Variants in RFC3 observed in about 807,000 individuals in gnomAD.
The protein encoded by RFC3 is replication factor C subunit 3, also known as A1 38 kDa subunit.
In RFC3, 41 loss-of-function variants were observed where a neutral mutation model predicts 45.1. The observed-to-expected ratio is 0.91, with a 90% CI of 0.71 to 1.18. The LOEUF (loss-of-function observed/expected upper bound fraction) is 1.18, where lower values mean the gene tolerates loss of function less well. RFC3 is among the 50% of genes most tolerant of loss of function. The probability of loss-of-function intolerance (pLI) is 0.00; values close to 1 mark genes in which losing one functional copy is unlikely to be tolerated. For missense variants in RFC3, 423 were observed against 428.1 expected, an observed-to-expected ratio of 0.99 and a Z score of 0.10; for synonymous variants, 149 against 144.0, an observed-to-expected ratio of 1.03 and a Z score of -0.25.
chr13:33,852,573 A>C (rs990166704), intron 8 of RFC3, among the ~76,000 whole-genome samples: 1 of 152,098 alleles, frequency 6.6e-6, no homozygotes, highest in African/African-American at 2.4e-5. Flanking sequence ...CACCAGGAAC[A>C]TTGAGAAATA....
At chr13:33,885,142 G>GA (rs2082511992) in intron 8 of RFC3, among the ~76,000 whole-genome samples, 1 of 152,144 alleles carries the variant, frequency 6.6e-6, no homozygotes, top group African/African-American at 2.4e-5. Flanking sequence ...TAGTCAGTTT[G>GA]AAACATGGCA....
intron 8 of RFC3, among the ~76,000 whole-genome samples, chr13:33,881,010 C>T (rs1341982905): frequency 6.6e-6 from 1 of 152,040 alleles, no homozygotes; most frequent in Non-Finnish European, 1.5e-5. Context: ...GAGCTGAGAT[C>T]GTGCCCTTGG....
chr13:33,874,122 A>G (rs1267778502), intron 8 of RFC3, among the ~76,000 whole-genome samples: 1 of 152,204 alleles, frequency 6.6e-6, no homozygotes, highest in Non-Finnish European at 1.5e-5. Context: ...GACCACACAT[A>G]AAGAGAGAAG....
At chr13:33,917,077 A>G (rs2082738226) in intron 8 of RFC3, among the ~76,000 whole-genome samples, 1 of 152,158 alleles carries the variant, frequency 6.6e-6, no homozygotes, top group South Asian at 2.1e-4. Context: ...GATCTTGGAC[A>G]TAAGCTCCTG....
At chr13:33,920,956 A>G (rs1310437450) in intron 8 of RFC3, among the ~76,000 whole-genome samples, 3 of 152,084 alleles carry the variant, frequency 2.0e-5, no homozygotes, top group Non-Finnish European at 2.9e-5. Context: ...TTTCCAACGT[A>G]CCTCGTATAT....
At chr13:33,838,494 T>C (rs963555264), downstream of RFC3, among the ~76,000 whole-genome samples, 1 of 152,178 alleles carries the variant, frequency 6.6e-6, no homozygotes, top group Non-Finnish European at 1.5e-5. Flanking sequence ...GTTTCTGTTG[T>C]TTCTGATGAC....
intron 8 of RFC3, among the ~76,000 whole-genome samples, chr13:33,921,439 A>G (rs1256705033): frequency 1.3e-5 from 2 of 152,168 alleles, no homozygotes; most frequent in African/African-American, 4.8e-5. Context: ...ATGTAAATGG[A>G]CACAGAGGTC....
Position 33,823,990 on chromosome 13 carries a change from T to C in RFC3, c.293+6T>C. ...CACCTTGAAGTTAATCCTAGGTAAGTTACTACTATATAGAAATTAAGTATT... is the reference window on the plus strand; with the variant it reads ...CACCTTGAAGTTAATCCTAGGTAAGCTACTACTATATAGAAATTAAGTATT... On this transcript the variant is annotated splice_donor_region_variant and intron_variant, in intron 3 of 8. Coordinates refer to ENST00000380071, the MANE Select transcript of RFC3 (RefSeq NM_002915.4). 7.0e-7 allele frequency: 1 copy of C among 1,421,470 alleles called. No individual in the cohort carries two copies. The highest frequency in any genetic ancestry group is 9.8e-7 in the Non-Finnish European group (1 of 1,022,992). 88.1% of individuals were successfully genotyped at this position (1,421,470 alleles called of 1,614,324 possible).
chr13:33,825,420 T>C (rs1333897349), intron 3 of RFC3, among the ~76,000 whole-genome samples: 1 of 152,172 alleles, frequency 6.6e-6, no homozygotes, highest in East Asian at 1.9e-4. Flanking sequence ...TTCAAAGAGT[T>C]ACGTTTTGTA....
At chr13:33,945,823 C>T (rs1033874765) in intron 8 of RFC3, among the ~76,000 whole-genome samples, 8 of 152,204 alleles carry the variant, frequency 5.3e-5, no homozygotes, top group African/African-American at 1.9e-4. Flanking sequence ...TAAACAGCAC[C>T]TTCTTCCTAC....
chr13:33,882,500 A>AT (rs2082491581), intron 8 of RFC3, among the ~76,000 whole-genome samples: 1 of 152,152 alleles, frequency 6.6e-6, no homozygotes, highest in African/African-American at 2.4e-5. Flanking sequence ...TCATGATGGG[A>AT]TTAGTGCCCT....
intron 8 of RFC3, chr13:33,850,429 ACAT>A (rs577278019): frequency 3.1e-4 from 46 of 150,630 alleles, no homozygotes; most frequent in African/African-American, 8.3e-4. Context: ...TCATTATGAA[ACAT>A]CATACAACAG....
At chr13:33,890,129 G>T (rs148438875) in intron 8 of RFC3, among the ~76,000 whole-genome samples, 1 of 152,138 alleles carries the variant, frequency 6.6e-6, no homozygotes, top group African/African-American at 2.4e-5. Flanking sequence ...TAAAGTCTCC[G>T]AGGGTGTTGA....
chr13:33,924,391 T>G (rs546683361), intron 8 of RFC3, among the ~76,000 whole-genome samples: 35 of 152,128 alleles, frequency 2.3e-4, no homozygotes, highest in African/African-American at 8.2e-4. Context: ...AAATCCTACC[T>G]GCTGACTGTG....
downstream of RFC3, among the ~76,000 whole-genome samples, chr13:33,842,176 C>T (rs920237861): frequency 5.3e-5 from 8 of 151,674 alleles, no homozygotes; most frequent in Non-Finnish European, 8.8e-5. Flanking sequence ...TGGGCCCAGC[C>T]GCTAGTGGGG....
chr13:33,822,799 A>G (rs2082015302), intron 2 of RFC3, among the ~76,000 whole-genome samples: 1 of 152,202 alleles, frequency 6.6e-6, no homozygotes, highest in Non-Finnish European at 1.5e-5. Flanking sequence ...CTGGGTCAAT[A>G]AAACCTTTTG....
the RFC3 span, among the ~76,000 whole-genome samples, chr13:33,972,405 A>G: frequency 6.6e-6 from 1 of 152,138 alleles, no homozygotes; most frequent in Non-Finnish European, 1.5e-5. Context: ...GTCCTCAAAG[A>G]CAGACAACTC....
rs148962399 is a variant in RFC3, at chr13:33,892,054, G to C, written c.879+56837G>C. ...TAATACCAAAATAACCAAACAATTTGGTCAGATAACTATCCAAGCAAGTCA... is the reference window on the plus strand; with the variant it reads ...TAATACCAAAATAACCAAACAATTTCGTCAGATAACTATCCAAGCAAGTCA... On this transcript the variant is annotated intron_variant, in intron 8 of 8. Coordinates refer to the RFC3 transcript ENST00000434425. 7.1e-3 allele frequency among the ~76,000 whole-genome samples: 1,082 copies of C among 152,094 alleles called. 17 individuals carry two copies. The highest frequency in any genetic ancestry group is 0.025 in the African/African-American group (1,046 of 41,496).
chr13:33,962,864 C>G (rs1298985745), intron 8 of RFC3, among the ~76,000 whole-genome samples: 1 of 152,046 alleles, frequency 6.6e-6, no homozygotes, highest in Non-Finnish European at 1.5e-5. Flanking sequence ...TTGAGATTCT[C>G]TGAAAATTCA....
Sources: gnomAD v4.1 joint callset for allele counts (sites outside exome capture counted in the v4.1 genomes callset) on GRCh38, gnomAD v4.1.1 for gene constraint, MANE v1.5 for transcripts, NCBI Gene and HGNC (gene_info 2026-07-23, HGNC 2026-07-21) for gene names.